Variants in TRAPPC12 observed in about 807,000 individuals in gnomAD.
TRAPPC12 encodes the protein TPR repeat protein 15.
A neutral mutation model predicts 69.2 loss-of-function variants in TRAPPC12; 61 were observed. The ratio of observed to expected loss-of-function variants is 0.88; its 90% confidence interval spans 0.72 to 1.09. The LOEUF (loss-of-function observed/expected upper bound fraction) is 1.09, where lower values mean the gene tolerates loss of function less well. TRAPPC12 is among the 50% of genes least tolerant of loss of function. TRAPPC12 has a pLI of 0.00. For synonymous variants in TRAPPC12, 469 were observed against 438.9 expected (o/e 1.07, Z -0.86); for missense variants, 1,101 against 1,016.4 (o/e 1.08, Z -1.13).
chr2:3,427,775 A>G (rs550104453), intron 5 of TRAPPC12, among the ~76,000 whole-genome samples: 42 of 152,238 alleles, frequency 2.8e-4, no homozygotes, highest in South Asian at 1.7e-3. Context: ...CACCAGTACT[A>G]CCAGCTACTC....
chr2:3,444,004 C>A, intron 6 of TRAPPC12, 113 bp downstream of exon 6: 1 of 747,824 alleles, frequency 1.3e-6, no homozygotes, highest in Non-Finnish European at 2.2e-6. Context: ...ACCATCGCTG[C>A]TTCTGCCTTC....
chr2:3,401,720 A>G lies in TRAPPC12; in HGVS notation c.1048-57A>G, dbSNP rs575342328. On this transcript the variant is annotated intron_variant, in intron 2 of 11. Transcript: ENST00000324266. ...TTGTGTTTAGTTATGGGTTCTGGTTAGCTGAGTTTAGTTGACATTTTATTG... is the reference window on the plus strand; with the variant it reads ...TTGTGTTTAGTTATGGGTTCTGGTTGGCTGAGTTTAGTTGACATTTTATTG... 6.9e-5 allele frequency: 83 copies of G among 1,204,468 alleles called. No individual in the cohort carries two copies. The South Asian group carries it at 1.2e-3, about 18-fold the overall frequency. The allele number at this position is 1,204,468 out of a possible 1,614,324, so 74.6% of individuals were successfully genotyped here.
Position 3,444,805 on chromosome 2 carries a change from G to A in TRAPPC12, c.1530+914G>A, listed in dbSNP as rs370438431. 2.0e-4 allele frequency among the ~76,000 whole-genome samples: 30 copies of A among 152,234 alleles called. 1 individual carries two copies. Among genetic ancestry groups the A allele is most frequent in the Non-Finnish European group, 1.8e-4 (12 of 68,010 alleles). On this transcript the variant is annotated intron_variant, in intron 6 of 11. Coordinates refer to ENST00000324266, the MANE Select transcript of TRAPPC12 (RefSeq NM_016030.6). ...CCTTATCTGTGGAGAAAAAACAGGC[G>A]TTTCTAGGCCCCTTGTTGTCCTGGG... is the stretch of plus-strand genomic sequence containing the variant.
At chr2:3,461,865 C>T (rs985805908) in intron 8 of TRAPPC12, among the ~76,000 whole-genome samples, 3 of 152,212 alleles carry the variant, frequency 2.0e-5, no homozygotes, top group African/African-American at 7.2e-5. Context: ...GGCCAGCAAC[C>T]AGGTGACCCC....
chr2:3,388,510 C>T lies in TRAPPC12; in HGVS notation c.887C>T (p.Thr296Ile). ...VFAGSDDPFA[T>I]ALSMSEMDRR... ...GCAGGGAGTGACGACCCCTTTGCCA[C>T]CGCCCTGAGCATGAGCGAGATGGAC... The change falls in exon 2 of 12, where the codon ACC becomes ATC. Residue 296 changes from threonine (T) to isoleucine (I), a missense_variant. Coordinates refer to ENST00000324266, the MANE Select transcript of TRAPPC12 (RefSeq NM_016030.6). The T allele has an allele frequency of 5.0e-6, 8 of 1,613,004 alleles. No homozygotes were observed. The highest frequency in any genetic ancestry group is 6.8e-6 in the Non-Finnish European group (8 of 1,179,724).
chr2:3,466,193 A>T (rs1185776026), intron 9 of TRAPPC12: 6 of 447,086 alleles, frequency 1.3e-5, no homozygotes, highest in Non-Finnish European at 2.8e-5. Context: ...ATATTTGGTG[A>T]CAGGGAGGTC....
intron 5 of TRAPPC12, among the ~76,000 whole-genome samples, chr2:3,442,884 A>G (rs745530111): frequency 6.6e-6 from 1 of 152,210 alleles, no homozygotes; most frequent in Admixed American, 6.5e-5. Context: ...GCTTAGGCCT[A>G]TTTTGAAAAG....
chr2:3,476,111 C>T (rs923952167), intron 9 of TRAPPC12, among the ~76,000 whole-genome samples: 1 of 152,182 alleles, frequency 6.6e-6, no homozygotes, highest in East Asian at 1.9e-4. Context: ...CGACGGGCAG[C>T]GATGGACAGA....
At chr2:3,397,671 G>T (rs1177061893) in intron 2 of TRAPPC12, among the ~76,000 whole-genome samples, 1 of 152,196 alleles carries the variant, frequency 6.6e-6, no homozygotes, top group Non-Finnish European at 1.5e-5. Flanking sequence ...GTTATAAATT[G>T]TAGCTGGGTT....
At chr2:3,411,580 A>G (rs1204679283) in intron 3 of TRAPPC12, among the ~76,000 whole-genome samples, 3 of 152,250 alleles carry the variant, frequency 2.0e-5, no homozygotes, top group African/African-American at 4.8e-5. Flanking sequence ...ATGGAGATAC[A>G]TGTTTGTGTA....
chr2:3,449,132 G>T (rs1261124343), intron 6 of TRAPPC12: 2 of 152,210 alleles, frequency 1.3e-5, no homozygotes, highest in African/African-American at 4.8e-5. Context: ...TTCCCGTGCT[G>T]CTGAAAAATC....
chr2:3,423,306 A>G (rs1171256421), intron 4 of TRAPPC12, among the ~76,000 whole-genome samples: 1 of 146,008 alleles, frequency 6.8e-6, no homozygotes, highest in Admixed American at 6.9e-5. Context: ...AATCGCATGC[A>G]TTGCCTCGCA....
chr2:3,433,774 A>C (rs1329467906), intron 5 of TRAPPC12, among the ~76,000 whole-genome samples: 1 of 152,272 alleles, frequency 6.6e-6, no homozygotes, highest in East Asian at 1.9e-4. Flanking sequence ...ACACTTCTAC[A>C]GTATTTATAC....
At chr2:3,474,981 A>G (rs982140263) in intron 9 of TRAPPC12, among the ~76,000 whole-genome samples, 16 of 152,240 alleles carry the variant, frequency 1.1e-4, no homozygotes, top group Non-Finnish European at 7.3e-5. Flanking sequence ...GGATTCGCAC[A>G]GAGTAAAAGA....
At chr2:3,410,252 C>T (rs1203605817) in intron 3 of TRAPPC12, among the ~76,000 whole-genome samples, 2 of 152,198 alleles carry the variant, frequency 1.3e-5, no homozygotes, top group African/African-American at 4.8e-5. Context: ...ATTCAGTCAT[C>T]TGTGGAAAAA....
intron 2 of TRAPPC12, 78 bp downstream of exon 2, chr2:3,388,748 A>T: frequency 7.5e-7 from 1 of 1,337,370 alleles, no homozygotes; most frequent in South Asian, 1.6e-5. Flanking sequence ...CCCTTTAGGG[A>T]TGGAGAAGGA....
intron 9 of TRAPPC12, among the ~76,000 whole-genome samples, chr2:3,472,863 G>A (rs565053269): frequency 6.6e-6 from 1 of 152,168 alleles, no homozygotes; most frequent in African/African-American, 2.4e-5. Flanking sequence ...AGGGACCAGG[G>A]TCAGGGTCAG....
intron 6 of TRAPPC12, among the ~76,000 whole-genome samples, chr2:3,452,795 A>G (rs1373894289): frequency 6.6e-6 from 1 of 152,248 alleles, no homozygotes. Flanking sequence ...AGTTTAGTAC[A>G]GGGATGATGG....
At chr2:3,442,849 T>C (rs1303493866) in intron 5 of TRAPPC12, among the ~76,000 whole-genome samples, 1 of 152,244 alleles carries the variant, frequency 6.6e-6, no homozygotes, top group African/African-American at 2.4e-5. Context: ...TCTTTCAGAC[T>C]ATATTCCAGA....
Sources: gnomAD v4.1 joint callset for allele counts (sites outside exome capture counted in the v4.1 genomes callset) on GRCh38, gnomAD v4.1.1 for gene constraint, MANE v1.5 for transcripts, NCBI Gene and HGNC (gene_info 2026-07-23, HGNC 2026-07-21) for gene names.